NBPF11: variants seen among roughly 807,000 people sequenced by gnomAD.
The protein encoded by NBPF11 is NBPF member 11.
A neutral mutation model predicts 93.9 loss-of-function variants in NBPF11; 72 were observed. That is an observed-to-expected ratio of 0.77 (90% CI 0.63 to 0.93). The LOEUF (loss-of-function observed/expected upper bound fraction) is 0.93. NBPF11 is among the 40% of genes least tolerant of loss of function. The pLI, the probability that NBPF11 is intolerant of heterozygous loss-of-function variation, is 0.00. For missense variants in NBPF11, 705 were observed against 802.2 expected (o/e 0.88, Z 1.46); for synonymous variants, 224 against 304.9 (o/e 0.73, Z 2.76).
intron 6 of NBPF11, 85 bp from the exon 7 acceptor site, chr1:148,124,152 T>C (rs1255969456): frequency 3.3e-4 from 488 of 1,492,448 alleles, no homozygotes; most frequent in Middle Eastern, 7.1e-4. Context: ...TCTGAGACAA[T>C]GTTCTCAAGG....
chr1:148,133,111 T>C (rs1670693477), intron 4 of NBPF11, among the ~76,000 whole-genome samples: 1 of 150,652 alleles, frequency 6.6e-6, no homozygotes, highest in South Asian at 2.1e-4. Flanking sequence ...AATTGTATTC[T>C]TATTTCATTT....
chr1:148,149,434 C>A, intron 1 of NBPF11: 2 of 1,582,722 alleles, frequency 1.3e-6, no homozygotes, highest in Non-Finnish European at 1.7e-6. Flanking sequence ...TGGCGCTCTA[C>A]GAGCGCTGCC....
At chr1:148,115,249 G>T (rs1344631052) in intron 14 of NBPF11, among the ~76,000 whole-genome samples, 2 of 148,916 alleles carry the variant, frequency 1.3e-5, no homozygotes, top group African/African-American at 5.0e-5. Flanking sequence ...TGCATTGACA[G>T]GGTGGAGAAC....
At chr1:148,121,312 G>A (rs1362013208) in intron 9 of NBPF11, among the ~76,000 whole-genome samples, 2 of 151,222 alleles carry the variant, frequency 1.3e-5, no homozygotes, top group South Asian at 2.1e-4. Flanking sequence ...TCAAAGTGCT[G>A]GGATTAAGAT....
chr1:148,149,536 C>T, intron 1 of NBPF11: 4 of 1,594,010 alleles, frequency 2.5e-6, no homozygotes, highest in Middle Eastern at 2.3e-4. Context: ...GTCGCTTCAT[C>T]TCCCAGGAGC....
At chr1:148,116,389 C>T (rs1421586154) in intron 13 of NBPF11, 74 bp downstream of exon 13, 13 of 654,486 alleles carry the variant, frequency 2.0e-5, no homozygotes, top group African/African-American at 3.6e-5. Context: ...ATCATACATG[C>T]CAGAGAGGGT....
chr1:148,149,759 C>T (rs1327992008), intron 1 of NBPF11, among the ~76,000 whole-genome samples: 1 of 144,752 alleles, frequency 6.9e-6, no homozygotes, highest in African/African-American at 2.6e-5. Flanking sequence ...GAAGAAAATA[C>T]GTGAAAACGG....
chr1:148,122,599 G>T (rs1275401871), intron 8 of NBPF11, 130 bp downstream of exon 8: 12 of 1,348,884 alleles, frequency 8.9e-6, no homozygotes, highest in Middle Eastern at 5.2e-4. Context: ...GTCTAAGCTG[G>T]GTTGAATTTC....
chr1:148,108,040 G>A (rs1399717584), intron 18 of NBPF11, among the ~76,000 whole-genome samples: 4 of 150,386 alleles, frequency 2.7e-5, no homozygotes, highest in Admixed American at 2.0e-4. Context: ...TTTTCCAATC[G>A]ATTTAAAGCA....
rs78209922 is a variant in NBPF11 at position 148,145,941 on chromosome 1, A to G, written c.-548-2255T>C. Among the ~76,000 whole-genome samples the G allele has an allele frequency of 3.9e-3, 590 of 152,176 alleles. 14 individuals are homozygous for G. Among genetic ancestry groups the G allele is most frequent in the African/African-American group, 0.013 (518 of 41,424 alleles). On this transcript the variant is annotated intron_variant, in intron 1 of 23. Coordinates refer to ENST00000682118, the MANE Select transcript of NBPF11 (RefSeq NM_001385469.3). ...AAAACGTCATTAAAAGAGTGAAAAC[A>G]CAAGCTGCAGATTGAAAAAAGAGAA...
chr1:148,146,892 C>T (rs1673217592), intron 1 of NBPF11: 3 of 1,613,382 alleles, frequency 1.9e-6, no homozygotes, highest in Non-Finnish European at 2.5e-6. Flanking sequence ...ATGCCGACAT[C>T]GACGCCACCT....
chr1:148,106,807 C>T (rs1663751143), intron 20 of NBPF11, 135 bp downstream of exon 20: 3 of 716,702 alleles, frequency 4.2e-6, no homozygotes, highest in African/African-American at 3.7e-5. Flanking sequence ...AGTTTCATTA[C>T]AACCTATATG....
Position 148,149,567 on chromosome 1 carries a change from C to A in NBPF11, c.-549+2183G>T, listed in dbSNP as rs1395975241. Reference sequence around the variant, plus strand: ...GGAGCTGCCCAGCCAGCGCGCCTAGCGGCGGCCCCAACCAGCCGGACCTCA... The same window carrying A: ...GGAGCTGCCCAGCCAGCGCGCCTAGAGGCGGCCCCAACCAGCCGGACCTCA... On this transcript the variant is annotated intron_variant, in intron 1 of 23. Transcript: ENST00000682118. 9.4e-6 allele frequency: 15 copies of A among 1,593,760 alleles called. No individual in the cohort carries two copies. The Admixed American group carries it at 2.5e-4, about 27-fold the overall frequency.
At chr1:148,111,692 G>T (rs370566619) in intron 15 of NBPF11, among the ~76,000 whole-genome samples, 13,118 of 151,652 alleles carry the variant, frequency 0.087, 725 homozygotes, top group Middle Eastern at 0.17. Flanking sequence ...AGCGAGAAGA[G>T]AAATTTAGAG....
At chr1:148,121,268 T>A (rs1418408098) in intron 9 of NBPF11, among the ~76,000 whole-genome samples, 2 of 151,756 alleles carry the variant, frequency 1.3e-5, no homozygotes, top group East Asian at 3.9e-4. Context: ...GGTTTCGAAC[T>A]CCTGAGCTCA....
intron 23 of NBPF11, among the ~76,000 whole-genome samples, chr1:148,104,264 C>T (rs1486113340): frequency 6.9e-6 from 1 of 144,898 alleles, no homozygotes; most frequent in African/African-American, 2.7e-5. Flanking sequence ...AGAGTGAGCT[C>T]AATAGTTTTC....
At chr1:148,114,154 C>CA (rs1221914685) in intron 15 of NBPF11, among the ~76,000 whole-genome samples, 9 of 143,334 alleles carry the variant, frequency 6.3e-5, no homozygotes, top group South Asian at 2.3e-4. Flanking sequence ...AAAAACCCTT[C>CA]AAAAAATCAA....
At chr1:148,138,393 TCG>T (rs1671681754) in intron 2 of NBPF11, among the ~76,000 whole-genome samples, 1 of 151,644 alleles carries the variant, frequency 6.6e-6, no homozygotes, top group African/African-American at 2.4e-5. Context: ...TTTACGGGTG[TCG>T]GGCTGGGGGA....
intron 17 of NBPF11, 39 bp from the exon 18 acceptor site, chr1:148,108,693 A>G (rs1285608210): frequency 1.1e-5 from 9 of 784,654 alleles, no homozygotes; most frequent in East Asian, 9.9e-5. Context: ...AGCCAGGGGG[A>G]ATCAGAAACC....
Sources: gnomAD v4.1 joint callset for allele counts (sites outside exome capture counted in the v4.1 genomes callset) on GRCh38, gnomAD v4.1.1 for gene constraint, MANE v1.5 for transcripts, NCBI Gene and HGNC (gene_info 2026-07-23, HGNC 2026-07-21) for gene names.